STAC2: variants seen among roughly 807,000 people sequenced by gnomAD.
The protein encoded by STAC2 is SH3 and cysteine rich domain 2, also known as SH3 and cysteine-rich domain-containing protein 2.
Under a neutral mutation model 49.0 loss-of-function variants are expected in STAC2, and 36 were observed. That is an observed-to-expected ratio of 0.74 (90% CI 0.56 to 0.97). STAC2 has a LOEUF of 0.97. Among genes scored for constraint, STAC2 ranks in the 50% least tolerant of loss-of-function variants. The probability of loss-of-function intolerance (pLI) is 0.00; values close to 1 mark genes in which losing one functional copy is unlikely to be tolerated. For missense variants in STAC2, 527 were observed against 543.8 expected (o/e 0.97, Z 0.31); for synonymous variants, 239 against 214.7 (o/e 1.11, Z -0.99).
At position 39,212,983 on chromosome 17, in the gene STAC2, T is replaced by C. The variant is rs983915364; in HGVS notation, c.1131+12A>G. On this transcript the variant is annotated intron_variant, in intron 10 of 10. Coordinates refer to ENST00000333461, the MANE Select transcript of STAC2 (RefSeq NM_198993.5). The stretch of plus-strand genomic sequence containing the variant: ...TCCGCCATAGGGCCTGGGCTGGGCC[T>C]CAGGCACTCACCTGGTTCTCCTTGA... The C allele has an allele frequency of 6.2e-7, 1 of 1,613,422 alleles. No individual in the cohort carries two copies. The highest frequency in any genetic ancestry group is 8.5e-7 in the Non-Finnish European group (1 of 1,179,884).
intron 4 of STAC2, among the ~76,000 whole-genome samples, 174 bp downstream of exon 4, chr17:39,216,636 T>A (rs1286347020): frequency 6.6e-6 from 1 of 151,920 alleles, no homozygotes; most frequent in Non-Finnish European, 1.5e-5. Context: ...GGAGTCTCAC[T>A]CTGTAGCCCA....
At chr17:39,215,785 C>T (rs1198401841) in intron 4 of STAC2, among the ~76,000 whole-genome samples, 1 of 152,102 alleles carries the variant, frequency 6.6e-6, no homozygotes, top group Non-Finnish European at 1.5e-5. Flanking sequence ...CTTACTGCAA[C>T]CTCCGCCTCC....
Position 39,225,191 on chromosome 17 carries a change from G to A in STAC2, c.90+222C>T, listed in dbSNP as rs2046500303. On this transcript the variant is annotated intron_variant, in intron 1 of 10. Coordinates refer to ENST00000333461, the MANE Select transcript of STAC2 (RefSeq NM_198993.5). The surrounding 1 kb of genome is among the most constrained non-coding windows in gnomAD (Gnocchi z 8.2). Reference sequence around the variant, plus strand: ...AAGACCAGTGGCCGCCTCCCCAGAAGGTCGCGATGGCGCGCGCGGGCGTGC... The same window carrying A: ...AAGACCAGTGGCCGCCTCCCCAGAAAGTCGCGATGGCGCGCGCGGGCGTGC... Among the ~76,000 whole-genome samples, 1 of 152,138 alleles carries A rather than the reference G, an allele frequency of 6.6e-6. No homozygotes were observed. The highest frequency in any genetic ancestry group is 2.4e-5 in the African/African-American group (1 of 41,446).
chr17:39,218,235 C>A lies in STAC2; in HGVS notation c.91-62G>T, dbSNP rs533016936. 2.5e-4 allele frequency: 401 copies of A among 1,575,414 alleles called. 5 individuals are homozygous for A. In the East Asian group the frequency reaches 8.9e-3, roughly 35 times the overall value. On this transcript the variant is annotated intron_variant, in intron 1 of 10. Coordinates refer to ENST00000333461, the MANE Select transcript of STAC2 (RefSeq NM_198993.5). ...GAGGGGGCTGGCCAGGGCGGGCTTC[C>A]CTTCAGGGTGTCTCTGGCGGTAGGG... is the stretch of plus-strand genomic sequence containing the variant.
intron 1 of STAC2, among the ~76,000 whole-genome samples, chr17:39,224,232 T>C (rs2046488931): frequency 6.6e-6 from 1 of 152,312 alleles, no homozygotes; most frequent in East Asian, 1.9e-4. Flanking sequence ...CCAGGACGCC[T>C]CCGGAGCCCA....
chr17:39,214,258 G>T lies in STAC2; in HGVS notation c.916C>A (p.Gln306Lys). 6.2e-7 allele frequency: 1 copy of T among 1,613,996 alleles called. No homozygotes were observed. Among genetic ancestry groups the T allele is most frequent in the Non-Finnish European group, 8.5e-7 (1 of 1,179,924 alleles). The change falls in exon 8 of 11, where the codon CAG becomes AAG. Residue 306 changes from glutamine to lysine, a missense_variant. Transcript: ENST00000333461. ...SYVALYKFLP[Q>K]ENNDLALQPG... ...TGCAGAGCCAGATCATTGTTCTCCT[G>T]GGGCAGAAACTTGTAGAGTGCAACG...
intron 1 of STAC2, among the ~76,000 whole-genome samples, chr17:39,224,267 C>T (rs571617372): frequency 1.0e-3 from 152 of 152,356 alleles, no homozygotes; most frequent in African/African-American, 3.6e-3. Context: ...CTGGTCCTCA[C>T]TGTCCCCTTT....
rs201263747 is a variant in STAC2 at position 39,225,449 on chromosome 17, G to A, written c.54C>T (p.Ser18=). 1.9e-6 allele frequency: 3 copies of A among 1,609,488 alleles called. No individual in the cohort carries two copies. Among genetic ancestry groups the A allele is most frequent in the South Asian group, 1.1e-5 (1 of 91,026 alleles). ...ENEPDDAATH[S]PPGTVSALQE... ...GGAGGGCGGAGACGGTCCCTGGGGGGCTGTGGGTGGCCGCGTCATCCGGTT... is the reference window on the plus strand; with the variant it reads ...GGAGGGCGGAGACGGTCCCTGGGGGACTGTGGGTGGCCGCGTCATCCGGTT... The change falls in exon 1 of 11, where the codon AGC becomes AGT. Residue 18 remains serine (S), a synonymous_variant. Transcript: ENST00000333461. The surrounding 1 kb of genome is among the most constrained non-coding windows in gnomAD (Gnocchi z 8.2).
intron 1 of STAC2, among the ~76,000 whole-genome samples, chr17:39,222,720 G>A (rs1026950431): frequency 2.0e-5 from 3 of 152,068 alleles, no homozygotes; most frequent in South Asian, 2.1e-4. Context: ...CCCTCCCAAC[G>A]CATCCAGAGT....
chr17:39,210,622 T>C lies in STAC2; in HGVS notation c.*1670A>G, dbSNP rs893532864. On this transcript the variant is annotated 3_prime_UTR_variant, in exon 11 of 11. Coordinates refer to ENST00000333461, the MANE Select transcript of STAC2 (RefSeq NM_198993.5). The stretch of plus-strand genomic sequence containing the variant: ...CATGCAGCCTCATGTACAGTGGGCA[T>C]TGGGCCCGCCCCTGGGATATTGCTG... 9.9e-5 allele frequency: 15 copies of C among 151,170 alleles called. No homozygotes were observed. In the East Asian group the frequency reaches 2.5e-3, roughly 25 times the overall value. 9.4% of individuals were successfully genotyped at this position (151,170 alleles called of 1,614,324 possible).
Position 39,225,284 on chromosome 17 carries a change from C to T in STAC2, c.90+129G>A, listed in dbSNP as rs2046501459. 5 of 710,554 alleles carry T rather than the reference C, an allele frequency of 7.0e-6. No individual in the cohort carries two copies. Among genetic ancestry groups the T allele is most frequent in the Non-Finnish European group, 1.1e-5 (5 of 456,642 alleles). The allele number at this position is 710,554 out of a possible 1,614,324, so 44.0% of individuals were successfully genotyped here. ...AACCCACTCCTACCCCCGGGAGCGG[C>T]GCGGAGCCTCAGTGGTCACGCGGGC... On this transcript the variant is annotated intron_variant, in intron 1 of 10. Coordinates refer to ENST00000333461, the MANE Select transcript of STAC2 (RefSeq NM_198993.5). The surrounding 1 kb of genome is among the most constrained non-coding windows in gnomAD (Gnocchi z 8.2).
chr17:39,214,377 T>C (rs1382768982), intron 7 of STAC2, 47 bp from the exon 8 acceptor site: 2 of 1,609,526 alleles, frequency 1.2e-6, no homozygotes, highest in African/African-American at 1.3e-5. Context: ...GCACCCTCAC[T>C]CCCCCCACTC....
At chr17:39,220,788 T>C (rs931072806) in intron 1 of STAC2, among the ~76,000 whole-genome samples, 1 of 150,276 alleles carries the variant, frequency 6.7e-6, no homozygotes, top group African/African-American at 2.5e-5. Context: ...TTTTATTTTT[T>C]ATTTTACTTA....
rs2046418550 is a variant in STAC2 at position 39,217,758 on chromosome 17, T to C, written c.397+109A>G. 11 of 1,129,032 alleles carry C rather than the reference T, an allele frequency of 9.7e-6. No individual in the cohort carries two copies. The South Asian group carries it at 1.7e-4, about 18-fold the overall frequency. The allele number at this position is 1,129,032 out of a possible 1,614,324, so 69.9% of individuals were successfully genotyped here. On this transcript the variant is annotated intron_variant, in intron 2 of 10. Coordinates refer to ENST00000333461, the MANE Select transcript of STAC2 (RefSeq NM_198993.5). ...AGAGGCACAGAGGCACAATTAGTAT[T>C]GGGGCTCCTGAACAGCAAGAGCCCA...
In STAC2 at chr17:39,215,212, TCCACCTTC is replaced by T. The variant is rs761169200; in HGVS notation, c.597_604del (p.Lys200ProfsTer25). 3.6e-5 allele frequency: 58 copies of T among 1,613,642 alleles called. No homozygotes were observed. The highest frequency in any genetic ancestry group is 4.9e-5 in the Non-Finnish European group (58 of 1,179,946). ...ATAGCGCAGGGTCTCGTAGACAGGG[TCCACCTTC>T]CCACTGTCCCCTGCAGATTATCCAC... On this transcript the variant is annotated frameshift_variant, in exon 5 of 11. Transcript: ENST00000333461. LOFTEE classifies it high-confidence loss of function.
At chr17:39,218,845 T>C (rs1217157396) in intron 1 of STAC2, among the ~76,000 whole-genome samples, 1 of 152,036 alleles carries the variant, frequency 6.6e-6, no homozygotes, top group Non-Finnish European at 1.5e-5. Context: ...AGCCAAGCAG[T>C]TGGAGACCAG....
chr17:39,213,134 T>G lies in STAC2; in HGVS notation c.994-2A>C. On this transcript the variant is annotated splice_acceptor_variant, in intron 9 of 10. Coordinates refer to ENST00000333461, the MANE Select transcript of STAC2 (RefSeq NM_198993.5). LOFTEE classifies it high-confidence loss of function. Reference sequence around the variant, plus strand: ...GCCAACCCGGTCGCCGATCTTGCCCTGGGGATGAGGTTGGCAATGAACACC... The same window carrying G: ...GCCAACCCGGTCGCCGATCTTGCCCGGGGGATGAGGTTGGCAATGAACACC... 6.2e-7 allele frequency: 1 copy of G among 1,606,238 alleles called. No homozygotes were observed. The highest frequency in any genetic ancestry group is 8.5e-7 in the Non-Finnish European group (1 of 1,179,952).
intron 5 of STAC2, 32 bp downstream of exon 5, chr17:39,215,086 C>A: frequency 2.5e-6 from 4 of 1,613,992 alleles, no homozygotes; most frequent in Non-Finnish European, 3.4e-6. Context: ...GACACCCCTC[C>A]CCAAAAGACC....
At chr17:39,215,339 C>T in intron 4 of STAC2, 109 bp from the exon 5 acceptor site, 1 of 1,075,242 alleles carries the variant, frequency 9.3e-7, no homozygotes, top group Non-Finnish European at 1.4e-6. Context: ...TCACCTGTCC[C>T]TCCCAGGTCT....
Sources: gnomAD v4.1 joint callset for allele counts (sites outside exome capture counted in the v4.1 genomes callset) on GRCh38, gnomAD v4.1.1 for gene constraint, Gnocchi (gnomAD v3.1) non-coding constraint, MANE v1.5 for transcripts, NCBI Gene and HGNC (gene_info 2026-07-23, HGNC 2026-07-21) for gene names.